The following DCAF1 variants were observed in gnomAD, a reference collection of about 807,000 sequenced individuals.
DCAF1 encodes DDB1 and CUL4 associated factor 1.
In DCAF1, 15 loss-of-function variants were observed where a neutral mutation model predicts 128.0. The ratio of observed to expected loss-of-function variants is 0.12; its 90% CI spans 0.08 to 0.18. The LOEUF is 0.18. Among genes scored for constraint, DCAF1 ranks in the 10% least tolerant of loss-of-function variants. The pLI, the probability that DCAF1 is intolerant of heterozygous loss-of-function variation, is 1.00. For synonymous variants in DCAF1, 610 were observed against 603.0 expected (o/e 1.01, Z -0.17); for missense variants, 988 against 1,649.5 (o/e 0.60, Z 6.95).
intron 2 of DCAF1, among the ~76,000 whole-genome samples, chr3:51,484,677 TTTTTC>T (rs1553654456): frequency 6.7e-6 from 1 of 148,610 alleles, no homozygotes; most frequent in African/African-American, 2.5e-5. Flanking sequence ...CCTGTTTAAT[TTTTTC>T]TTTTTTTTTT....
intron 3 of DCAF1, among the ~76,000 whole-genome samples, chr3:51,475,093 C>T (rs1472145565): frequency 2.0e-5 from 3 of 151,712 alleles, no homozygotes; most frequent in Admixed American, 1.3e-4. Flanking sequence ...TTATACCTGG[C>T]TATTTTTTAA....
chr3:51,410,708 C>T (rs1698324670), intron 23 of DCAF1, among the ~76,000 whole-genome samples: 1 of 152,204 alleles, frequency 6.6e-6, no homozygotes, highest in Non-Finnish European at 1.5e-5. Flanking sequence ...TAAGAGAAAG[C>T]TATTACATTA....
At chr3:51,436,381 A>G (rs547361837) in intron 9 of DCAF1, 1 of 520,158 alleles carries the variant, frequency 1.9e-6, no homozygotes, top group East Asian at 5.4e-5. Flanking sequence ...ATGTTGCTGC[A>G]GTTTCTGCAT....
intron 6 of DCAF1, among the ~76,000 whole-genome samples, chr3:51,447,856 G>A (rs1553640608): frequency 2.0e-5 from 3 of 152,064 alleles, no homozygotes; most frequent in Non-Finnish European, 4.4e-5. Context: ...GCTGAGGCAG[G>A]AGAATTGCTT....
At chr3:51,497,878 G>C (rs1317854596) in intron 1 of DCAF1, among the ~76,000 whole-genome samples, 62 of 151,574 alleles carry the variant, frequency 4.1e-4, no homozygotes, top group Admixed American at 3.9e-3. Flanking sequence ...GTGAAACCCT[G>C]TGTCTACTAA....
At chr3:51,462,838 C>T (rs1470825413) in intron 6 of DCAF1, among the ~76,000 whole-genome samples, 7 of 151,382 alleles carry the variant, frequency 4.6e-5, no homozygotes, top group Non-Finnish European at 7.4e-5. Flanking sequence ...CAGAGGCTCA[C>T]GACTATAATC....
At chr3:51,473,139 G>A (rs1157990184) in intron 3 of DCAF1, among the ~76,000 whole-genome samples, 7 of 150,762 alleles carry the variant, frequency 4.6e-5, no homozygotes, top group African/African-American at 1.5e-4. Flanking sequence ...AACCGGGCAC[G>A]GTGCCACATG....
intron 2 of DCAF1, among the ~76,000 whole-genome samples, chr3:51,486,193 CTTTTTT>C (rs35273248): frequency 8.8e-6 from 1 of 113,356 alleles, no homozygotes; most frequent in Non-Finnish European, 1.8e-5. Context: ...CCGGCAGATT[CTTTTTT>C]TTTTTTTTTT....
chr3:51,492,438 C>T (rs782415048), intron 2 of DCAF1, among the ~76,000 whole-genome samples: 4 of 151,604 alleles, frequency 2.6e-5, no homozygotes, highest in East Asian at 1.9e-4. Context: ...CACTTGAACT[C>T]GGAGGGGACG....
chr3:51,483,095 C>T (rs1483261147), intron 3 of DCAF1, among the ~76,000 whole-genome samples: 2 of 147,054 alleles, frequency 1.4e-5, no homozygotes, highest in Admixed American at 1.4e-4. Flanking sequence ...GCTGAGATCA[C>T]GCCATTGCAC....
intron 23 of DCAF1, among the ~76,000 whole-genome samples, chr3:51,411,048 C>T (rs1553628296): frequency 6.6e-6 from 1 of 151,830 alleles, no homozygotes; most frequent in Admixed American, 6.6e-5. Flanking sequence ...GTAATCCCAG[C>T]TACTCAGGAG....
chr3:51,454,830 C>T (rs1553642415), intron 6 of DCAF1, among the ~76,000 whole-genome samples: 1 of 152,038 alleles, frequency 6.6e-6, no homozygotes, highest in African/African-American at 2.4e-5. Context: ...CCCACCACCA[C>T]ACCCGGCTAA....
intron 6 of DCAF1, among the ~76,000 whole-genome samples, chr3:51,456,659 C>T (rs1215365021): frequency 2.0e-5 from 3 of 152,192 alleles, no homozygotes; most frequent in African/African-American, 7.2e-5. Flanking sequence ...TGGGAGGCAC[C>T]CCCCAGTAGG....
At chr3:51,499,520 G>C (rs1261732612) in intron 1 of DCAF1, among the ~76,000 whole-genome samples, 1 of 152,134 alleles carries the variant, frequency 6.6e-6, no homozygotes, top group Non-Finnish European at 1.5e-5. Flanking sequence ...AGACTAGGAG[G>C]ATTGGAAGGA....
At chr3:51,497,271 G>C (rs1158252988) in intron 1 of DCAF1, among the ~76,000 whole-genome samples, 2 of 152,064 alleles carry the variant, frequency 1.3e-5, no homozygotes, top group African/African-American at 4.8e-5. Context: ...CTCCAGGCTA[G>C]GTGACACAGG....
upstream of DCAF1, among the ~76,000 whole-genome samples, chr3:51,501,464 A>G (rs1243574041): frequency 6.6e-6 from 1 of 152,122 alleles, no homozygotes; most frequent in East Asian, 1.9e-4. Flanking sequence ...GCAGCTCATT[A>G]TCTCTCCGGG....
At chr3:51,491,863 A>C (rs1463758765) in intron 2 of DCAF1, among the ~76,000 whole-genome samples, 1 of 151,746 alleles carries the variant, frequency 6.6e-6, no homozygotes, top group Non-Finnish European at 1.5e-5. Context: ...AACAAACAAA[A>C]AAGTACTGAT....
chr3:51,483,769 C>T lies in DCAF1; in HGVS notation c.60G>A (p.Gln20=). The stretch of plus-strand genomic sequence containing the variant: ...GCCCACTGCCATGTTCCTTTTCCCA[C>T]TGCTCCAGCAGGGTAGTGAGCTCAG... ...SKAELTTLLE[Q]WEKEHGSGQD... is the part of the protein sequence containing the mutation. The change falls in exon 3 of 25, where the codon CAG becomes CAA. Residue 20 remains glutamine, a synonymous_variant. Coordinates refer to ENST00000684031, the MANE Select transcript of DCAF1 (RefSeq NM_001387579.1). The T allele has an allele frequency of 6.2e-7, 1 of 1,613,900 alleles. No homozygotes were observed.
chr3:51,486,975 C>T (rs554501424), intron 2 of DCAF1, among the ~76,000 whole-genome samples: 62 of 130,882 alleles, frequency 4.7e-4, no homozygotes, highest in Middle Eastern at 5.2e-3. Flanking sequence ...CTTTTCTTTT[C>T]TTTTTTTTTT....
Sources: gnomAD v4.1 joint callset for allele counts (sites outside exome capture counted in the v4.1 genomes callset) on GRCh38, gnomAD v4.1.1 for gene constraint, MANE v1.5 for transcripts, NCBI Gene and HGNC (gene_info 2026-07-23, HGNC 2026-07-21) for gene names.